The following TRPC4AP variants were observed in gnomAD, a reference collection of about 807,000 sequenced individuals.
The protein encoded by TRPC4AP is transient receptor potential cation channel subfamily C member 4 associated protein, also known as short transient receptor potential channel 4-associated protein.
A neutral mutation model predicts 99.0 loss-of-function variants in TRPC4AP; 45 were observed. The observed-to-expected ratio is 0.45, with a 90% CI of 0.36 to 0.58. The LOEUF is 0.58. TRPC4AP is among the 20% of genes least tolerant of loss of function. TRPC4AP has a pLI of 0.00. For missense variants in TRPC4AP, 879 were observed against 985.3 expected (o/e 0.89, Z 1.44); for synonymous variants, 408 against 385.8 (o/e 1.06, Z -0.67).
intron 11 of TRPC4AP, among the ~76,000 whole-genome samples, chr20:35,011,251 C>T (rs779453856): frequency 9.2e-5 from 14 of 152,006 alleles, no homozygotes; most frequent in South Asian, 2.1e-4. Context: ...AGCAAGATTC[C>T]GTCTTGAAAA....
At chr20:35,055,845 C>A (rs527514319) in intron 4 of TRPC4AP, among the ~76,000 whole-genome samples, 1 of 152,098 alleles carries the variant, frequency 6.6e-6, no homozygotes, top group Non-Finnish European at 1.5e-5. Flanking sequence ...ATTACTAATT[C>A]TTATAAAGAA....
chr20:35,049,486 G>GGGAGA (rs1569121047), intron 6 of TRPC4AP, among the ~76,000 whole-genome samples: 3 of 62,450 alleles, frequency 4.8e-5, no homozygotes. Context: ...TTCAGATAGC[G>GGGAGA]GTAAAGTGGT....
At chr20:35,047,845 C>A (rs1345877211) in intron 6 of TRPC4AP, among the ~76,000 whole-genome samples, 1 of 152,096 alleles carries the variant, frequency 6.6e-6, no homozygotes, top group African/African-American at 2.4e-5. Context: ...TGTGTCCAGG[C>A]ACAGGTTATA....
At chr20:35,070,595 A>C (rs919946427) in intron 2 of TRPC4AP, among the ~76,000 whole-genome samples, 1 of 152,026 alleles carries the variant, frequency 6.6e-6, no homozygotes, top group Non-Finnish European at 1.5e-5. Context: ...TATTTTCAGT[A>C]GAGACGGGGT....
Position 35,050,008 on chromosome 20 carries a change from A to C in TRPC4AP, c.529-14T>G, listed in dbSNP as rs200798594. ...AACTCCCTCTGTCTGTCACAAGAAG[A>C]AAAGGCAGAATAGGTTGTAAGTACA... is the stretch of plus-strand genomic sequence containing the variant. On this transcript the variant is annotated splice_polypyrimidine_tract_variant and intron_variant, in intron 5 of 18. Coordinates refer to ENST00000252015, the MANE Select transcript of TRPC4AP (RefSeq NM_015638.3). 4.4e-5 allele frequency: 71 copies of C among 1,612,008 alleles called. No individual in the cohort carries two copies. Among genetic ancestry groups the C allele is most frequent in the Admixed American group, 4.2e-4 (25 of 59,692 alleles).
chr20:35,085,863 T>C (rs1052119894), intron 1 of TRPC4AP, among the ~76,000 whole-genome samples: 1 of 152,184 alleles, frequency 6.6e-6, no homozygotes, highest in African/African-American at 2.4e-5. Flanking sequence ...TTATTGTTTT[T>C]AAAAATAACT....
intron 7 of TRPC4AP, among the ~76,000 whole-genome samples, chr20:35,038,259 G>C (rs2083368213): frequency 7.7e-6 from 1 of 129,692 alleles, no homozygotes; most frequent in Admixed American, 9.2e-5. Context: ...CACAGAAATA[G>C]ATTTTTGTTT....
intron 2 of TRPC4AP, among the ~76,000 whole-genome samples, chr20:35,075,369 T>C (rs1353305866): frequency 6.6e-6 from 1 of 152,220 alleles, no homozygotes; most frequent in Admixed American, 6.5e-5. Context: ...TCTTTACAAT[T>C]TGGCATGTTT....
At chr20:35,035,377 A>G in intron 7 of TRPC4AP, 69 bp from the exon 8 acceptor site, 1 of 1,474,250 alleles carries the variant, frequency 6.8e-7, no homozygotes, top group South Asian at 1.3e-5. Context: ...TAAAGCCCTA[A>G]CAAACAATCT....
chr20:35,055,982 T>G (rs2083816630), intron 4 of TRPC4AP, among the ~76,000 whole-genome samples: 1 of 152,332 alleles, frequency 6.6e-6, no homozygotes, highest in East Asian at 1.9e-4. Flanking sequence ...ATTTGGCACT[T>G]GCTTCTATTT....
intron 2 of TRPC4AP, among the ~76,000 whole-genome samples, chr20:35,074,184 C>T (rs1007682622): frequency 6.6e-6 from 1 of 152,050 alleles, no homozygotes; most frequent in Non-Finnish European, 1.5e-5. Context: ...GTCTTGCTAG[C>T]GGTCTTTCAA....
At chr20:35,068,890 G>A (rs866074622) in intron 3 of TRPC4AP, among the ~76,000 whole-genome samples, 1 of 150,070 alleles carries the variant, frequency 6.7e-6, no homozygotes. Context: ...CGTGTATATG[G>A]TATATCACTC....
intron 8 of TRPC4AP, among the ~76,000 whole-genome samples, chr20:35,029,911 C>G (rs1296281567): frequency 6.9e-6 from 1 of 144,580 alleles, no homozygotes; most frequent in Non-Finnish European, 1.5e-5. Flanking sequence ...GCTGGGATTA[C>G]AGGCGTGAGC....
chr20:35,058,541 T>C (rs2083897203), intron 3 of TRPC4AP, among the ~76,000 whole-genome samples: 1 of 151,976 alleles, frequency 6.6e-6, no homozygotes, highest in African/African-American at 2.4e-5. Context: ...TAAAAACCCA[T>C]CCTAAATAAT....
At position 35,044,620 on chromosome 20, in the gene TRPC4AP, A is replaced by G. The variant is rs1472427264; in HGVS notation, c.750T>C (p.Ala250=). The change falls in exon 7 of 19, where the codon GCT becomes GCC. Residue 250 remains alanine (A), a synonymous_variant. Transcript: ENST00000252015. ...QQLANFCRIL[A]VTISEMDTGN... Reference sequence around the variant, plus strand: ...CTGTATCCATCTCTGAAATGGTGACAGCCAGAATCCGGCAGAAATTAGCGA... The same window carrying G: ...CTGTATCCATCTCTGAAATGGTGACGGCCAGAATCCGGCAGAAATTAGCGA... 1.9e-6 allele frequency: 3 copies of G among 1,614,196 alleles called. No homozygotes were observed. The highest frequency in any genetic ancestry group is 2.5e-6 in the Non-Finnish European group (3 of 1,180,016).
At chr20:35,016,226 T>C in intron 9 of TRPC4AP, 87 bp from the exon 10 acceptor site, 2 of 1,505,720 alleles carry the variant, frequency 1.3e-6, no homozygotes, top group East Asian at 2.3e-5. Flanking sequence ...ACGATAATGA[T>C]ATTCAGGACA....
At chr20:35,030,329 T>C (rs923272092) in intron 8 of TRPC4AP, 2 of 151,776 alleles carry the variant, frequency 1.3e-5, no homozygotes, top group African/African-American at 2.4e-5. Flanking sequence ...AAATATGGAA[T>C]GCATCAGGAA....
chr20:35,007,769 T>A (rs2082545097), intron 13 of TRPC4AP, 129 bp from the exon 14 acceptor site: 1 of 923,370 alleles, frequency 1.1e-6, no homozygotes, highest in Non-Finnish European at 1.7e-6. Flanking sequence ...CTACCAAGCA[T>A]CAGGCTTCAT....
intron 1 of TRPC4AP, among the ~76,000 whole-genome samples, chr20:35,080,787 C>T (rs1032358076): frequency 1.5e-5 from 2 of 131,582 alleles, no homozygotes; most frequent in Non-Finnish European, 3.1e-5. Flanking sequence ...GTAAAAACCA[C>T]TGACTTGTAC....
Sources: gnomAD v4.1 joint callset for allele counts (sites outside exome capture counted in the v4.1 genomes callset) on GRCh38, gnomAD v4.1.1 for gene constraint, MANE v1.5 for transcripts, NCBI Gene and HGNC (gene_info 2026-07-23, HGNC 2026-07-21) for gene names.